CREBRF: variants seen among roughly 807,000 people sequenced by gnomAD.
The protein encoded by CREBRF is CREB3 regulatory factor.
In CREBRF, 5 loss-of-function variants were observed where a neutral mutation model predicts 66.1. The observed-to-expected ratio is 0.08, with a 90% confidence interval of 0.04 to 0.16. CREBRF has a LOEUF of 0.16. Ranked by LOEUF, CREBRF falls within the 10% of genes least tolerant of loss-of-function variation. The pLI is 1.00. For missense variants in CREBRF, 531 were observed against 744.9 expected, an observed-to-expected ratio of 0.71 and a Z score of 3.34; for synonymous variants, 229 against 264.4, an observed-to-expected ratio of 0.87 and a Z score of 1.30.
intron 4 of CREBRF, among the ~76,000 whole-genome samples, chr5:173,105,223 A>ATGTGTGTG (rs1159644057): frequency 7.4e-6 from 1 of 135,956 alleles, no homozygotes; most frequent in African/African-American, 2.8e-5. Context: ...ATGTGTGTAT[A>ATGTGTGTG]TATGTGTGTG....
chr5:173,080,689 T>G lies in CREBRF; in HGVS notation c.-87T>G. 1 of 1,359,056 alleles carries G rather than the reference T, an allele frequency of 7.4e-7. No homozygotes were observed. The highest frequency in any genetic ancestry group is 1.2e-5 in the South Asian group (1 of 83,784). 84.2% of individuals were successfully genotyped at this position (1,359,056 alleles called of 1,614,324 possible). A position where few individuals can be genotyped will look rare whatever the true frequency, so the allele number is the denominator to read the frequency against. On this transcript the variant is annotated 5_prime_UTR_variant, in exon 2 of 9. Coordinates refer to ENST00000296953, the MANE Select transcript of CREBRF (RefSeq NM_153607.3). ...TTTATTGTGGAAATCATCTTCGATC[T>G]TGGAATTGAAAGTAAAGCTGGAAAG...
intron 4 of CREBRF, among the ~76,000 whole-genome samples, chr5:173,105,042 T>G (rs1272457969): frequency 6.6e-6 from 1 of 152,190 alleles, no homozygotes; most frequent in Non-Finnish European, 1.5e-5. Flanking sequence ...TAGTCCCAGC[T>G]GTGCCAAATC....
At chr5:173,088,045 G>A (rs369896973) in intron 3 of CREBRF, among the ~76,000 whole-genome samples, 2 of 151,424 alleles carry the variant, frequency 1.3e-5, no homozygotes, top group Non-Finnish European at 2.9e-5. Flanking sequence ...GGCTGGTCTC[G>A]AACTCCTGAC....
rs1561798865 is a variant in CREBRF at position 173,082,014 on chromosome 5, T to TTTTTTTTTTTTTTTTTTG, written c.9+1231_9+1248dup. Among the ~76,000 whole-genome samples the TTTTTTTTTTTTTTTTTTG allele has an allele frequency of 2.9e-3, 328 of 113,836 alleles. 17 individuals are homozygous for TTTTTTTTTTTTTTTTTTG. Among genetic ancestry groups the TTTTTTTTTTTTTTTTTTG allele is most frequent in the Non-Finnish European group, 4.2e-3 (217 of 51,538 alleles). 74.7% of individuals were successfully genotyped at this position (113,836 alleles called of 152,430 possible). Reference sequence around the variant, plus strand: ...CCATTCAAGGTTTAGTTTTTTTTTTTTTTTTTTTTTTTTTTTTGAGCTGGA... The same window carrying TTTTTTTTTTTTTTTTTTG: ...CCATTCAAGGTTTAGTTTTTTTTTTTTTTTTTTTTTTTTTTTTGTTTTTTTTTTTTTTTTTGAGCTGGA... On this transcript the variant is annotated intron_variant, in intron 2 of 8. Coordinates refer to ENST00000296953, the MANE Select transcript of CREBRF (RefSeq NM_153607.3).
chr5:173,099,730 T>C (rs1220655975), intron 4 of CREBRF, among the ~76,000 whole-genome samples: 3 of 152,146 alleles, frequency 2.0e-5, no homozygotes, highest in Non-Finnish European at 2.9e-5. Flanking sequence ...GATTTTTCTT[T>C]GTGATTATCA....
At chr5:173,086,058 GTGTA>G in intron 2 of CREBRF, 2 of 935,900 alleles carry the variant, frequency 2.1e-6, no homozygotes, top group Non-Finnish European at 3.6e-6. Flanking sequence ...AAATCCAAGA[GTGTA>G]TGGTTCTCTA....
At chr5:173,057,343 GGA>G (rs1016123069) in intron 1 of CREBRF, 3 of 152,688 alleles carry the variant, frequency 2.0e-5, no homozygotes, top group African/African-American at 7.2e-5. Flanking sequence ...TGAGAGGGGA[GGA>G]GACAGGGCAA....
In CREBRF at chr5:173,133,728, C is replaced by A. The variant is rs1427005673; in HGVS notation, c.1903C>A (p.Pro635Thr). ...PTGGLVGLRI[P>T]TSKV ...TGGAGGCCTTGTAGGATTAAGGATA[C>A]CAACATCAAAGGTGTAATCAGCCTC... The change falls in exon 9 of 9, where the codon CCA becomes ACA. Residue 635 changes from proline to threonine, a missense_variant. Transcript: ENST00000296953. The A allele has an allele frequency of 8.2e-6, 13 of 1,594,002 alleles. No homozygotes were observed. The highest frequency in any genetic ancestry group is 1.1e-5 in the Non-Finnish European group (13 of 1,163,190).
At chr5:173,081,313 C>G (rs1322846115) in intron 2 of CREBRF, among the ~76,000 whole-genome samples, 3 of 152,146 alleles carry the variant, frequency 2.0e-5, no homozygotes, top group Non-Finnish European at 4.4e-5. Context: ...TATATTATGG[C>G]AGCTACTCTG....
rs1758281282 is a variant in CREBRF at position 173,090,033 on chromosome 5, CAA to C, written c.136-281_136-280del. 6.6e-6 allele frequency among the ~76,000 whole-genome samples: 1 copy of C among 152,062 alleles called. No homozygotes were observed. The highest frequency in any genetic ancestry group is 2.4e-5 in the African/African-American group (1 of 41,394). ...TCAGGCAGAATGTTTATGGTAAACTCAAGAGCCCTTGATATTTGGATCATACC... is the reference window on the plus strand; with the variant it reads ...TCAGGCAGAATGTTTATGGTAAACTCGAGCCCTTGATATTTGGATCATACC... On this transcript the variant is annotated intron_variant, in intron 3 of 8. Transcript: ENST00000296953. The surrounding 1 kb of genome is among the most constrained non-coding windows in gnomAD (Gnocchi z 4.5).
intron 7 of CREBRF, among the ~76,000 whole-genome samples, chr5:173,114,215 AT>A (rs1307459761): frequency 1.3e-5 from 2 of 152,236 alleles, no homozygotes; most frequent in Non-Finnish European, 2.9e-5. Context: ...ATTAGATAAA[AT>A]AATTGTTGGT....
At chr5:173,113,089 C>T (rs1298340001) in intron 7 of CREBRF, among the ~76,000 whole-genome samples, 2 of 152,052 alleles carry the variant, frequency 1.3e-5, no homozygotes. Context: ...ACCTTCTGGG[C>T]TCAGGTGATC....
chr5:173,113,188 T>G (rs759220064), intron 7 of CREBRF, among the ~76,000 whole-genome samples: 3 of 152,194 alleles, frequency 2.0e-5, no homozygotes, highest in Non-Finnish European at 4.4e-5. Context: ...GAGGTGGAGT[T>G]TCTACTGTGT....
intron 6 of CREBRF, among the ~76,000 whole-genome samples, chr5:173,112,080 A>G (rs1464960090): frequency 3.9e-5 from 6 of 152,242 alleles, no homozygotes; most frequent in Admixed American, 6.5e-5. Flanking sequence ...TTGGATTGCT[A>G]TTAGAAAATG....
intron 6 of CREBRF, 67 bp from the exon 7 acceptor site, chr5:173,112,239 G>C (rs546198536): frequency 8.5e-7 from 1 of 1,177,654 alleles, no homozygotes; most frequent in African/African-American, 1.6e-5. Flanking sequence ...CCCCTTCTCC[G>C]TAATTAAAAA....
At chr5:173,078,563 C>CTT (rs746897808) in intron 1 of CREBRF, among the ~76,000 whole-genome samples, 75 of 142,612 alleles carry the variant, frequency 5.3e-4, no homozygotes, top group African/African-American at 1.8e-3. Context: ...TTTTCTTTTT[C>CTT]TTTTTTTTTT....
intron 7 of CREBRF, among the ~76,000 whole-genome samples, chr5:173,121,308 A>T (rs566527487): frequency 3.4e-5 from 5 of 145,788 alleles, no homozygotes; most frequent in Admixed American, 1.4e-4. Flanking sequence ...TCCCTCCTTT[A>T]CTTACTTTGA....
Position 173,090,238 on chromosome 5 carries a change from T to A in CREBRF, c.136-77T>A. 2 of 1,191,918 alleles carry A rather than the reference T, an allele frequency of 1.7e-6. No individual in the cohort carries two copies. The highest frequency in any genetic ancestry group is 2.0e-4 in the Middle Eastern group (1 of 4,928). 73.8% of individuals were successfully genotyped at this position (1,191,918 alleles called of 1,614,324 possible). A position where few individuals can be genotyped will look rare whatever the true frequency, so the allele number is the denominator to read the frequency against. On this transcript the variant is annotated intron_variant, in intron 3 of 8. Coordinates refer to ENST00000296953, the MANE Select transcript of CREBRF (RefSeq NM_153607.3). This position sits in a 1 kb window ranked among gnomAD's most constrained non-coding sequence, Gnocchi z 4.5. ...AACAGACCAAAAGTCAAGTATTGAT[T>A]TATCAGTTTGACATATGGAGGTGAA... is the stretch of plus-strand genomic sequence containing the variant.
chr5:173,056,852 G>T (rs999769974), intron 1 of CREBRF, among the ~76,000 whole-genome samples: 5 of 151,800 alleles, frequency 3.3e-5, no homozygotes, highest in African/African-American at 1.2e-4. Context: ...CGCTGCTGCC[G>T]GCAGTCGGCC....
Sources: gnomAD v4.1 joint callset for allele counts (sites outside exome capture counted in the v4.1 genomes callset) on GRCh38, gnomAD v4.1.1 for gene constraint, Gnocchi (gnomAD v3.1) non-coding constraint, MANE v1.5 for transcripts, NCBI Gene and HGNC (gene_info 2026-07-23, HGNC 2026-07-21) for gene names.